BMS1: variants seen among roughly 807,000 people sequenced by gnomAD.
The protein encoded by BMS1 is ribosome biogenesis protein BMS1 homolog.
BMS1 carries 53 observed loss-of-function variants against 138.7 expected under a neutral mutation model. That is an observed-to-expected ratio of 0.38 (90% CI 0.31 to 0.48). The LOEUF is 0.48. Ranked by LOEUF, BMS1 falls within the 20% of genes least tolerant of loss-of-function variation. The probability of loss-of-function intolerance (pLI) is 0.97; values close to 1 mark genes in which losing one functional copy is unlikely to be tolerated. For synonymous variants in BMS1, 504 were observed against 539.9 expected (o/e 0.93, Z 0.92); for missense variants, 1,360 against 1,565.5 (o/e 0.87, Z 2.22).
chr10:42,821,403 A>T (rs1286222927), intron 18 of BMS1, among the ~76,000 whole-genome samples: 1 of 152,150 alleles, frequency 6.6e-6, no homozygotes, highest in Admixed American at 6.5e-5. Context: ...TAATGAGCAG[A>T]TGGAATCTGC....
At chr10:42,808,177 T>A (rs1162755638) in intron 13 of BMS1, among the ~76,000 whole-genome samples, 1 of 152,144 alleles carries the variant, frequency 6.6e-6, no homozygotes, top group Non-Finnish European at 1.5e-5. Flanking sequence ...TATGTTTAAC[T>A]CCATCGTCGG....
intron 21 of BMS1, among the ~76,000 whole-genome samples, chr10:42,826,237 TTGTGTG>T (rs35886214): frequency 0.2 from 29,750 of 145,620 alleles, 3,249 homozygotes; most frequent in Non-Finnish European, 0.27. Context: ...TTTTTGTTTG[TTGTGTG>T]TGTGTGTGTG....
At chr10:42,784,644 A>G in intron 2 of BMS1, 74 bp downstream of exon 2, 5 of 1,499,970 alleles carry the variant, frequency 3.3e-6, no homozygotes, top group Non-Finnish European at 4.5e-6. Flanking sequence ...CACAGGTGAC[A>G]TTTGGATTCA....
At chr10:42,786,645 A>T (rs2132293097) in intron 3 of BMS1, among the ~76,000 whole-genome samples, 1 of 150,822 alleles carries the variant, frequency 6.6e-6, no homozygotes, top group South Asian at 2.1e-4. Flanking sequence ...GGCTGGTCTC[A>T]AAACTCCTGG....
In BMS1 at chr10:42,822,168, ACACTT is replaced by A. The variant is rs1842520112; in HGVS notation, c.3119_3123del (p.Thr1040IlefsTer3). 1 of 1,427,904 alleles carries A rather than the reference ACACTT, an allele frequency of 7.0e-7. No individual in the cohort carries two copies. Among genetic ancestry groups the A allele is most frequent in the African/African-American group, 1.4e-5 (1 of 70,954 alleles). The allele number at this position is 1,427,904 out of a possible 1,614,324, so 88.5% of individuals were successfully genotyped here. A position where few individuals can be genotyped will look rare whatever the true frequency, so the allele number is the denominator to read the frequency against. On this transcript the variant is annotated frameshift_variant, in exon 19 of 23. Coordinates refer to ENST00000374518, the MANE Select transcript of BMS1 (RefSeq NM_014753.4). LOFTEE classifies it high-confidence loss of function. ...GGTTTTCCATATAAAATTTTCAAGA[ACACTT>A]CATTTATTAAGGTCTGTATATCTAT...
At chr10:42,827,596 C>A (rs1451992936) in intron 21 of BMS1, among the ~76,000 whole-genome samples, 1 of 152,146 alleles carries the variant, frequency 6.6e-6, no homozygotes, top group Non-Finnish European at 1.5e-5. Context: ...TGCTGGGCCC[C>A]TCTTGCTTCC....
At position 42,796,951 on chromosome 10, in the gene BMS1, G is replaced by A; in HGVS notation, c.1707G>A (p.Met569Ile). ...TGAATCTGGAGAAGTCTTTGCTGAT[G>A]AAGAAAGCAGCTCTCCCCACTTTCG... Reference protein sequence around the residue: ...DRVNLEKSLLMKKAALPTFDS... With the variant: ...DRVNLEKSLLIKKAALPTFDS... The change falls in exon 10 of 23, where the codon ATG (methionine) becomes ATA (isoleucine). Residue 569 changes from methionine to isoleucine, a missense_variant. Met to Ile is a conservative substitution (Grantham distance 10). Around this residue, in one of 3 missense-constraint regions of BMS1, gnomAD observed 697 missense variants for 686.2 expected, o/e 1.02. Coordinates refer to ENST00000374518, the MANE Select transcript of BMS1 (RefSeq NM_014753.4). The A allele has an allele frequency of 6.2e-7, 1 of 1,614,242 alleles. No homozygotes were observed. Among genetic ancestry groups the A allele is most frequent in the Non-Finnish European group, 8.5e-7 (1 of 1,180,042 alleles).
At chr10:42,804,473 T>C (rs1012731506) in intron 13 of BMS1, among the ~76,000 whole-genome samples, 4 of 152,222 alleles carry the variant, frequency 2.6e-5, no homozygotes, top group African/African-American at 9.6e-5. Flanking sequence ...TTTTAGTGAC[T>C]AATGGTATCG....
At position 42,793,981 on chromosome 10, in the gene BMS1, G is replaced by A. The variant is rs1183348230; in HGVS notation, c.1219G>A (p.Asp407Asn). ...DSKPLGSEDI[D>N]NQGLMMPKEE... ...CAAGCCACTTGGGTCAGAGGATATA[G>A]ATAATCAAGGGTAAGTCTGCTTTTT... The change falls in exon 9 of 23, where the codon GAT becomes AAT. Residue 407 changes from aspartate to asparagine, a missense_variant. Transcript: ENST00000374518. The A allele has an allele frequency of 6.2e-7, 1 of 1,611,496 alleles. No individual in the cohort carries two copies. The highest frequency in any genetic ancestry group is 2.2e-5 in the East Asian group (1 of 44,856).
chr10:42,814,767 CAG>C (rs560701415), intron 13 of BMS1, among the ~76,000 whole-genome samples: 1 of 152,258 alleles, frequency 6.6e-6, no homozygotes, highest in East Asian at 1.9e-4. Context: ...CCTGAGGGAA[CAG>C]GGGAGCTGCC....
chr10:42,797,169 A>C lies in BMS1; in HGVS notation c.1925A>C (p.Glu642Ala). 1 of 1,613,124 alleles carries C rather than the reference A, an allele frequency of 6.2e-7. No individual in the cohort carries two copies. Among genetic ancestry groups the C allele is most frequent in the Non-Finnish European group, 8.5e-7 (1 of 1,179,658 alleles). Residue 642 changes from glutamate to alanine, a missense_variant, in exon 10 of 23, where the codon GAA (glutamate) becomes GCA (alanine). Physicochemically the swap from Glu to Ala is moderately radical, Grantham distance 107. This residue lies in a region of BMS1 where 697 missense variants were observed against 686.2 expected (regional missense o/e 1.02). Coordinates refer to ENST00000374518, the MANE Select transcript of BMS1 (RefSeq NM_014753.4). The stretch of plus-strand genomic sequence containing the variant: ...TTCATTGATGAGACCAGTGATATAG[A>C]AAATTTACTCAAAGAGGAAGAAGAT... ...QNFIDETSDI[E>A]NLLKEEEDYK...
rs762448592 is a variant in BMS1, at chr10:42,785,465, T to C, written c.177-17T>C. 1.3e-6 allele frequency: 2 copies of C among 1,570,150 alleles called. No homozygotes were observed. The highest frequency in any genetic ancestry group is 8.6e-7 in the Non-Finnish European group (1 of 1,160,330). On this transcript the variant is annotated splice_polypyrimidine_tract_variant and intron_variant, in intron 2 of 22. Coordinates refer to ENST00000374518, the MANE Select transcript of BMS1 (RefSeq NM_014753.4). ...TGAGTTTACTATTTATTTATTTGTTTATTTTTTAATGAATAGGACTCAGGA... is the reference window on the plus strand; with the variant it reads ...TGAGTTTACTATTTATTTATTTGTTCATTTTTTAATGAATAGGACTCAGGA...
At chr10:42,822,987 ATT>A in intron 19 of BMS1, 129 bp from the exon 20 acceptor site, 1 of 953,830 alleles carries the variant, frequency 1.0e-6, no homozygotes, top group Admixed American at 3.1e-5. Context: ...GGGCGAATAC[ATT>A]TTGTTTATTT....
At chr10:42,830,483 G>T (rs1842771741) in intron 22 of BMS1, 61 bp downstream of exon 22, 7 of 1,543,354 alleles carry the variant, frequency 4.5e-6, no homozygotes, top group Non-Finnish European at 6.1e-6. Flanking sequence ...ACTCTCAATA[G>T]CACACTTCCT....
intron 13 of BMS1, among the ~76,000 whole-genome samples, chr10:42,807,833 G>T (rs539037426): frequency 6.7e-6 from 1 of 149,242 alleles, no homozygotes; most frequent in South Asian, 2.1e-4. Flanking sequence ...TAATGCAATT[G>T]CTGGGTCATA....
chr10:42,811,143 G>A (rs1842163322), intron 13 of BMS1, among the ~76,000 whole-genome samples: 1 of 152,022 alleles, frequency 6.6e-6, no homozygotes, highest in African/African-American at 2.4e-5. Context: ...CCGGGTTCAA[G>A]TGATTCTCCT....
intron 13 of BMS1, among the ~76,000 whole-genome samples, chr10:42,812,378 C>G (rs537585097): frequency 6.6e-6 from 1 of 152,088 alleles, no homozygotes; most frequent in Non-Finnish European, 1.5e-5. Context: ...TGGCCTCAAG[C>G]TATCCTTTGT....
rs12245355 is a variant in BMS1, at chr10:42,817,522, C to G, written c.2580+28C>G. 8 of 1,577,266 alleles carry G rather than the reference C, an allele frequency of 5.1e-6. No individual in the cohort carries two copies. The Admixed American group carries it at 1.4e-4, about 27-fold the overall frequency. On this transcript the variant is annotated intron_variant, in intron 15 of 22. Transcript: ENST00000374518. ...GAGAAACCTCAGTTCCTCTCAGCCC[C>G]TTGTCAAGACTATCATATAGCGCAG...
At chr10:42,827,516 G>A (rs769334329) in intron 21 of BMS1, among the ~76,000 whole-genome samples, 2 of 152,140 alleles carry the variant, frequency 1.3e-5, no homozygotes, top group African/African-American at 2.4e-5. Flanking sequence ...AGGAGGGCAC[G>A]TTGCAGCAGC....
Sources: allele counts gnomAD v4.1 joint callset (sites outside exome capture counted in the v4.1 genomes callset), GRCh38; gene constraint gnomAD v4.1.1; regional missense constraint gnomAD v4.1.1; transcripts MANE v1.5; gene names NCBI Gene and HGNC (gene_info 2026-07-23, HGNC 2026-07-21).